Variants in KLF17 observed in about 807,000 individuals in gnomAD.
KLF17 encodes the protein KLF transcription factor 17.
In KLF17, 31 loss-of-function variants were observed where a neutral mutation model predicts 34.2. That is an observed-to-expected ratio of 0.91 (90% CI 0.68 to 1.22). The LOEUF (loss-of-function observed/expected upper bound fraction) is 1.22, where lower values mean the gene tolerates loss of function less well. KLF17 is among the 50% of genes most tolerant of loss of function. The pLI, the probability that KLF17 is intolerant of heterozygous loss-of-function variation, is 0.00. For missense variants in KLF17, 478 were observed against 505.2 expected (o/e 0.95, Z 0.52); for synonymous variants, 179 against 186.7 (o/e 0.96, Z 0.34).
chr1:44,100,687 ACT>A, the KLF17 span, among the ~76,000 whole-genome samples: 1 of 151,652 alleles, frequency 6.6e-6, no homozygotes, highest in Admixed American at 6.6e-5. Context: ...ACAGAGTCTC[ACT>A]CTGTCACCTA....
chr1:44,054,783 T>TC, the KLF17 span, among the ~76,000 whole-genome samples: 2 of 140,474 alleles, frequency 1.4e-5, no homozygotes, highest in East Asian at 4.3e-4. Flanking sequence ...GCCCAGCTTT[T>TC]TTTTTTTTTT....
intron 1 of KLF17, among the ~76,000 whole-genome samples, chr1:44,126,354 C>T (rs567870608): frequency 6.6e-6 from 1 of 152,296 alleles, no homozygotes; most frequent in African/African-American, 2.4e-5. Flanking sequence ...CCCACTCTGG[C>T]TCCTGCAAGC....
the KLF17 span, among the ~76,000 whole-genome samples, chr1:44,068,605 A>G: frequency 1.6e-4 from 25 of 152,276 alleles, no homozygotes; most frequent in African/African-American, 5.3e-4. Context: ...GGTGGTGGGC[A>G]GTTTTTCCCA....
chr1:44,047,807 T>G, the KLF17 span: 1 of 152,082 alleles, frequency 6.6e-6, no homozygotes, highest in East Asian at 1.9e-4. Context: ...AAGAATCCCT[T>G]AGGAGTCTAC....
At chr1:44,091,382 A>G in the KLF17 span, among the ~76,000 whole-genome samples, 1 of 152,080 alleles carries the variant, frequency 6.6e-6, no homozygotes, top group African/African-American at 2.4e-5. Flanking sequence ...TGGGCCAGGC[A>G]CTGTGGCTCA....
rs2088151718 is a variant in KLF17, at chr1:44,134,952, T to A, written c.*1715T>A. On this transcript the variant is annotated 3_prime_UTR_variant, in exon 4 of 4. Coordinates refer to ENST00000372299, the MANE Select transcript of KLF17 (RefSeq NM_173484.4). ...GATTCGTTTTCCATTGATTGTGATA[T>A]CTATCATACCTGCAAAAAATATTTT... is the stretch of plus-strand genomic sequence containing the variant. The A allele has an allele frequency of 6.6e-6, 1 of 152,084 alleles. No homozygotes were observed. The highest frequency in any genetic ancestry group is 1.5e-5 in the Non-Finnish European group (1 of 68,018). 9.4% of individuals were successfully genotyped at this position (152,084 alleles called of 1,614,324 possible).
At chr1:44,119,264 T>C (rs2087918411) in intron 1 of KLF17, among the ~76,000 whole-genome samples, 1 of 151,850 alleles carries the variant, frequency 6.6e-6, no homozygotes, top group South Asian at 2.1e-4. Flanking sequence ...CATACGTCGT[T>C]TATTCCAACA....
chr1:44,090,840 G>T, the KLF17 span, among the ~76,000 whole-genome samples: 484 of 151,986 alleles, frequency 3.2e-3, 5 homozygotes, highest in African/African-American at 0.011. Context: ...GAGAAAAAAA[G>T]AATCAAAAGA....
upstream of KLF17, chr1:44,114,569 G>A (rs549589675): frequency 1.3e-5 from 2 of 152,248 alleles, no homozygotes; most frequent in Non-Finnish European, 2.9e-5. Flanking sequence ...AGGGGGAAGA[G>A]CATTCCAGGC....
chr1:44,112,093 G>A, the KLF17 span, among the ~76,000 whole-genome samples: 1 of 152,116 alleles, frequency 6.6e-6, no homozygotes, highest in African/African-American at 2.4e-5. Flanking sequence ...TCTAATTGAA[G>A]TTGGATTCCC....
the KLF17 span, chr1:44,103,993 C>A: frequency 4.7e-6 from 4 of 854,486 alleles, no homozygotes; most frequent in Non-Finnish European, 6.1e-6. Flanking sequence ...TTGACCTCAG[C>A]GATGATGCTG....
chr1:44,098,829 T>A, the KLF17 span, among the ~76,000 whole-genome samples: 1 of 151,998 alleles, frequency 6.6e-6, no homozygotes, highest in Admixed American at 6.6e-5. Flanking sequence ...GGATTACAGG[T>A]GTGAGCCACT....
intron 1 of KLF17, among the ~76,000 whole-genome samples, chr1:44,128,510 C>T (rs893705114): frequency 1.3e-5 from 2 of 152,130 alleles, no homozygotes; most frequent in Non-Finnish European, 1.5e-5. Context: ...TTTTTCACAT[C>T]TGCCTTTTCC....
chr1:44,104,654 G>A, the KLF17 span: 1 of 486,056 alleles, frequency 2.1e-6, no homozygotes, highest in Non-Finnish European at 3.8e-6. Context: ...GCCCAGTAGG[G>A]AGAAGCTCTA....
chr1:44,100,079 T>TACACACACACACACACACACAC, the KLF17 span, among the ~76,000 whole-genome samples: 4 of 138,634 alleles, frequency 2.9e-5, no homozygotes, highest in African/African-American at 8.2e-5. Context: ...CTACTAAAAA[T>TACACACACACACACACACACAC]ACACACACAC....
chr1:44,098,797 A>G, the KLF17 span, among the ~76,000 whole-genome samples: 11 of 151,038 alleles, frequency 7.3e-5, no homozygotes, highest in South Asian at 1.5e-3. Context: ...TGATCCGCCC[A>G]CCTCGGCCTC....
At chr1:44,047,435 AC>A in the KLF17 span, among the ~76,000 whole-genome samples, 3 of 152,106 alleles carry the variant, frequency 2.0e-5, no homozygotes, top group African/African-American at 7.2e-5. Flanking sequence ...AACCAGAAGA[AC>A]CAGGTCCAGA....
chr1:44,130,188 A>G lies in KLF17; in HGVS notation c.917A>G (p.Lys306Arg). ...TCCCACCTCGTGAGCCACCAGCGCA[A>G]GCACACAGGTGAAGGAGGTGTCAGG... is the stretch of plus-strand genomic sequence containing the variant. ...KRSHLVSHQR[K>R]HTGERPYSCN... Residue 306 changes from lysine to arginine, a missense_variant, in exon 2 of 4, where the codon AAG becomes AGG. Physicochemically the swap from Lys to Arg is conservative, Grantham distance 26. Transcript: ENST00000372299. The G allele has an allele frequency of 6.2e-7, 1 of 1,610,870 alleles. No homozygotes were observed. The highest frequency in any genetic ancestry group is 8.5e-7 in the Non-Finnish European group (1 of 1,178,234).
At chr1:44,098,591 C>T in the KLF17 span, among the ~76,000 whole-genome samples, 1 of 147,166 alleles carries the variant, frequency 6.8e-6, no homozygotes, top group Admixed American at 6.8e-5. Flanking sequence ...CGTCCTGTCA[C>T]CCAGGCTGGA....
Sources: allele counts gnomAD v4.1 joint callset (sites outside exome capture counted in the v4.1 genomes callset), GRCh38; gene constraint gnomAD v4.1.1; transcripts MANE v1.5; gene names NCBI Gene and HGNC (gene_info 2026-07-23, HGNC 2026-07-21).